The following SLC9A9 variants were observed in gnomAD, a reference collection of about 807,000 sequenced individuals.
SLC9A9 encodes solute carrier family 9 member A9.
SLC9A9 carries 62 observed loss-of-function variants against 77.8 expected under a neutral mutation model. The ratio of observed to expected loss-of-function variants is 0.80; its 90% CI spans 0.65 to 0.98. The LOEUF (loss-of-function observed/expected upper bound fraction) is 0.98. Ranked by LOEUF, SLC9A9 falls within the 50% of genes least tolerant of loss-of-function variation. The pLI, the probability that SLC9A9 is intolerant of heterozygous loss-of-function variation, is 0.00. For synonymous variants in SLC9A9, 320 were observed against 283.5 expected (o/e 1.13, Z -1.29); for missense variants, 775 against 774.9 (o/e 1.00, Z 0.00).
intron 14 of SLC9A9, among the ~76,000 whole-genome samples, chr3:143,326,593 G>T (rs2031611470): frequency 6.6e-6 from 1 of 152,116 alleles, no homozygotes; most frequent in South Asian, 2.1e-4. Context: ...TCTCTCAGCT[G>T]CTCATGAGGG....
chr3:143,285,485 A>G (rs1938357987), intron 14 of SLC9A9, among the ~76,000 whole-genome samples: 1 of 152,250 alleles, frequency 6.6e-6, no homozygotes, highest in Non-Finnish European at 1.5e-5. Context: ...TGGTGAAGCC[A>G]GGATGTGAAC....
At chr3:143,798,303 A>G (rs1436922922) in intron 2 of SLC9A9, among the ~76,000 whole-genome samples, 1 of 152,132 alleles carries the variant, frequency 6.6e-6, no homozygotes, top group African/African-American at 2.4e-5. Flanking sequence ...TTGGTGTTTA[A>G]TCACTGTGGG....
intron 2 of SLC9A9, among the ~76,000 whole-genome samples, chr3:143,810,484 AGCTGGC>A: frequency 6.6e-6 from 1 of 152,374 alleles, no homozygotes; most frequent in South Asian, 2.1e-4. Context: ...CTCAAGTGGT[AGCTGGC>A]AAATGCAATT....
intron 14 of SLC9A9, among the ~76,000 whole-genome samples, chr3:143,320,056 C>T (rs2031364655): frequency 6.6e-6 from 1 of 152,196 alleles, no homozygotes. Flanking sequence ...CCACTTAGTT[C>T]CCTGCCACCT....
intron 8 of SLC9A9, among the ~76,000 whole-genome samples, chr3:143,556,882 AG>A (rs2036992679): frequency 6.6e-6 from 1 of 152,212 alleles, no homozygotes; most frequent in Admixed American, 6.5e-5. Flanking sequence ...GTCATAACTG[AG>A]ACAATGAGGA....
At chr3:143,447,112 G>A (rs2034860739) in intron 12 of SLC9A9, among the ~76,000 whole-genome samples, 1 of 152,180 alleles carries the variant, frequency 6.6e-6, no homozygotes, top group Non-Finnish European at 1.5e-5. Context: ...ATACTTGGAG[G>A]AAGCCGAAGT....
intron 12 of SLC9A9, among the ~76,000 whole-genome samples, chr3:143,385,909 C>T (rs1276557352): frequency 2.6e-5 from 4 of 152,182 alleles, no homozygotes; most frequent in Non-Finnish European, 4.4e-5. Flanking sequence ...AATACAGTCC[C>T]TGAGCTCTGG....
intron 11 of SLC9A9, among the ~76,000 whole-genome samples, chr3:143,471,678 A>G (rs547922335): frequency 1.1e-4 from 16 of 152,282 alleles, no homozygotes; most frequent in African/African-American, 3.6e-4. Context: ...GTTTTGGCCA[A>G]CTAATCAAAA....
At chr3:143,711,593 T>A (rs1344586965) in intron 4 of SLC9A9, among the ~76,000 whole-genome samples, 2 of 150,964 alleles carry the variant, frequency 1.3e-5, no homozygotes, top group Non-Finnish European at 3.0e-5. Flanking sequence ...TTTTTTTTTT[T>A]TTTTTAAAGA....
intron 8 of SLC9A9, among the ~76,000 whole-genome samples, chr3:143,566,496 T>C (rs2037171713): frequency 6.6e-6 from 1 of 152,166 alleles, no homozygotes; most frequent in African/African-American, 2.4e-5. Context: ...TCATTTACTC[T>C]CTAGAATCAG....
chr3:143,365,844 T>G (rs1413821899), intron 13 of SLC9A9, among the ~76,000 whole-genome samples: 1 of 152,200 alleles, frequency 6.6e-6, no homozygotes, highest in African/African-American at 2.4e-5. Context: ...AACAGCATAT[T>G]GGGGTTCATC....
chr3:143,482,938 C>G (rs143123386), intron 11 of SLC9A9, among the ~76,000 whole-genome samples: 1 of 152,144 alleles, frequency 6.6e-6, no homozygotes, highest in South Asian at 2.1e-4. Flanking sequence ...GTTTCAGGGG[C>G]GCTTAGCATT....
intron 4 of SLC9A9, among the ~76,000 whole-genome samples, chr3:143,753,617 A>ATGCTG (rs761497417): frequency 4.6e-5 from 7 of 152,150 alleles, no homozygotes; most frequent in Non-Finnish European, 4.4e-5. Context: ...GCAGGGATGA[A>ATGCTG]TGCTGTGCTG....
At chr3:143,553,421 G>A (rs566488018) in intron 8 of SLC9A9, among the ~76,000 whole-genome samples, 3 of 152,096 alleles carry the variant, frequency 2.0e-5, no homozygotes, top group Non-Finnish European at 2.9e-5. Flanking sequence ...AGTATTCCTC[G>A]ACTCAGACCA....
chr3:143,729,962 G>T (rs1576687172), intron 4 of SLC9A9, among the ~76,000 whole-genome samples: 1 of 152,138 alleles, frequency 6.6e-6, no homozygotes, highest in Non-Finnish European at 1.5e-5. Context: ...ATAGTTACTT[G>T]TTATGTGTGT....
At chr3:143,805,397 C>A (rs577968535) in intron 2 of SLC9A9, among the ~76,000 whole-genome samples, 150 of 152,066 alleles carry the variant, frequency 9.9e-4, no homozygotes, top group African/African-American at 3.4e-3. Context: ...CTCCATGCCA[C>A]CCCCCAAAAA....
intron 14 of SLC9A9, among the ~76,000 whole-genome samples, chr3:143,345,505 C>T (rs868144843): frequency 6.6e-6 from 1 of 152,130 alleles, no homozygotes; most frequent in African/African-American, 2.4e-5. Context: ...GCTGACCTAA[C>T]AAGCTGCTTT....
At chr3:143,761,113 T>A (rs1019037459) in intron 4 of SLC9A9, among the ~76,000 whole-genome samples, 5 of 152,190 alleles carry the variant, frequency 3.3e-5, no homozygotes, top group South Asian at 2.1e-4. Flanking sequence ...ATTTAATAAA[T>A]GGTGCTGGGA....
intron 1 of SLC9A9, among the ~76,000 whole-genome samples, chr3:143,835,026 C>A (rs1175597114): frequency 1.3e-5 from 2 of 152,134 alleles, no homozygotes; most frequent in Non-Finnish European, 2.9e-5. Context: ...ATGGGGACTC[C>A]TCTGAAGGGC....
Sources: gnomAD v4.1 joint callset for allele counts (sites outside exome capture counted in the v4.1 genomes callset) on GRCh38, gnomAD v4.1.1 for gene constraint, MANE v1.5 for transcripts, NCBI Gene and HGNC (gene_info 2026-07-23, HGNC 2026-07-21) for gene names.